MCC: variants seen among roughly 807,000 people sequenced by gnomAD.
MCC encodes the protein MCC regulator of Wnt signaling pathway.
Under a neutral mutation model 116.2 loss-of-function variants are expected in MCC, and 90 were observed. That is an observed-to-expected ratio of 0.77 (90% CI 0.65 to 0.92). MCC has a LOEUF of 0.92. MCC is among the 40% of genes least tolerant of loss of function. The probability of loss-of-function intolerance (pLI) is 0.00; values close to 1 mark genes in which losing one functional copy is unlikely to be tolerated. For missense variants in MCC, 1,516 were observed against 1,312.2 expected (o/e 1.16, Z -2.40); for synonymous variants, 578 against 510.5 (o/e 1.13, Z -1.78).
In MCC at chr5:113,152,438, T is replaced by A. The variant is rs138271781; in HGVS notation, c.628-1016A>T. ...CCCCTCACTGAATTCCATACTACAT[T>A]TGGGTGAACAACTGGAATTAGAACA... On this transcript the variant is annotated intron_variant, in intron 3 of 18. Transcript: ENST00000408903. Among the ~76,000 whole-genome samples, 255 of 152,300 alleles carry A rather than the reference T, an allele frequency of 1.7e-3. 4 individuals are homozygous for A. The South Asian group carries it at 0.028, about 17-fold the overall frequency.
intron 2 of MCC, among the ~76,000 whole-genome samples, chr5:113,352,774 C>T (rs77124427): frequency 0.039 from 5,894 of 151,996 alleles, 394 homozygotes; most frequent in African/African-American, 0.14. Context: ...ACATTTGAAT[C>T]GGTATTTGTG....
At chr5:113,173,525 G>T (rs1296354472) in intron 3 of MCC, among the ~76,000 whole-genome samples, 1 of 152,118 alleles carries the variant, frequency 6.6e-6, no homozygotes, top group African/African-American at 2.4e-5. Flanking sequence ...GTAAAGATTT[G>T]TTTTGAAATC....
intron 3 of MCC, among the ~76,000 whole-genome samples, chr5:113,237,729 C>T (rs1158052279): frequency 2.0e-5 from 3 of 152,162 alleles, no homozygotes; most frequent in African/African-American, 7.2e-5. Context: ...CTCAGCTCCG[C>T]GATAATTTCT....
intron 15 of MCC, among the ~76,000 whole-genome samples, chr5:113,052,897 A>G (rs1752579541): frequency 6.6e-6 from 1 of 152,200 alleles, no homozygotes; most frequent in African/African-American, 2.4e-5. Context: ...TCACCTCATC[A>G]GCATCACAAA....
chr5:113,256,848 A>G (rs916194292), intron 3 of MCC, among the ~76,000 whole-genome samples: 4 of 152,162 alleles, frequency 2.6e-5, no homozygotes, highest in African/African-American at 9.7e-5. Flanking sequence ...TTTCCACACC[A>G]TATCAGATTT....
chr5:113,107,193 T>C (rs1307742346), intron 6 of MCC, among the ~76,000 whole-genome samples: 1 of 150,818 alleles, frequency 6.6e-6, no homozygotes, highest in African/African-American at 2.4e-5. Flanking sequence ...ACAGACTCAA[T>C]AGTAGCATGT....
intron 2 of MCC, among the ~76,000 whole-genome samples, chr5:113,351,575 G>T (rs1768268798): frequency 6.6e-6 from 1 of 152,104 alleles, no homozygotes; most frequent in Non-Finnish European, 1.5e-5. Flanking sequence ...GGGAAGTGGG[G>T]ATGGTTAATG....
At position 113,080,817 on chromosome 5, in the gene MCC, A is replaced by AC. The variant is rs1445162285; in HGVS notation, c.1784+2042_1784+2043insG. On this transcript the variant is annotated intron_variant, in intron 11 of 18. Coordinates refer to ENST00000408903, the MANE Select transcript of MCC (RefSeq NM_001085377.2). Reference sequence around the variant, plus strand: ...TAAAGTATAATTAACAACAACAACAAAAAAAAAAAAGAAAAGAAAAAAGAA... The same window carrying AC: ...TAAAGTATAATTAACAACAACAACAACAAAAAAAAAAGAAAAGAAAAAAGAA... Among the ~76,000 whole-genome samples, 382 of 143,368 alleles carry AC rather than the reference A, an allele frequency of 2.7e-3. 3 individuals are homozygous for AC. Among genetic ancestry groups the AC allele is most frequent in the African/African-American group, 9.9e-3 (348 of 35,064 alleles). 94.1% of individuals were successfully genotyped at this position (143,368 alleles called of 152,430 possible). A position where few individuals can be genotyped will look rare whatever the true frequency, so the allele number is the denominator to read the frequency against.
At chr5:113,205,095 AGT>A (rs1356925676) in intron 3 of MCC, among the ~76,000 whole-genome samples, 8 of 152,288 alleles carry the variant, frequency 5.3e-5, no homozygotes, top group Non-Finnish European at 1.0e-4. Flanking sequence ...TGCCAGTCTC[AGT>A]TTTTTCCTCC....
rs1158808423 is a variant in MCC, at chr5:113,334,223, G to T, written c.627+6296C>A. 2.7e-5 allele frequency among the ~76,000 whole-genome samples: 4 copies of T among 149,316 alleles called. 1 individual carries two copies. Among genetic ancestry groups the T allele is most frequent in the African/African-American group, 1.0e-4 (4 of 40,186 alleles). On this transcript the variant is annotated intron_variant, in intron 3 of 18. Transcript: ENST00000408903. Reference sequence around the variant, plus strand: ...TATATATATATTATATACACTTTTTGGGGGGATAGGGTCTAGTTCTGTTGC... The same window carrying T: ...TATATATATATTATATACACTTTTTTGGGGGATAGGGTCTAGTTCTGTTGC...
intron 3 of MCC, among the ~76,000 whole-genome samples, chr5:113,165,719 C>A (rs983391707): frequency 4.6e-5 from 7 of 152,110 alleles, no homozygotes; most frequent in Non-Finnish European, 7.4e-5. Flanking sequence ...GGCAGGAGCA[C>A]CCGACCCAAT....
intron 3 of MCC, 94 bp from the exon 4 acceptor site, chr5:113,151,516 T>C (rs866292824): frequency 1.3e-5 from 9 of 680,288 alleles, no homozygotes; most frequent in Middle Eastern, 2.5e-4. Flanking sequence ...ATAAAAAGCC[T>C]ATCATCCAAA....
In MCC at chr5:113,248,977, G is replaced by A. The variant is rs192156051; in HGVS notation, c.627+91542C>T. Among the ~76,000 whole-genome samples the A allele has an allele frequency of 5.8e-3, 875 of 152,116 alleles. 14 individuals are homozygous for A. The highest frequency in any genetic ancestry group is 0.02 in the African/African-American group (825 of 41,476). ...TCCTGCCTCAGCCTCCCGAGTAGCT[G>A]GGATTACAGGTGTGCATCACCATGC... On this transcript the variant is annotated intron_variant, in intron 3 of 18. Transcript: ENST00000408903.
intron 1 of MCC, 78 bp downstream of exon 1, chr5:113,488,167 A>C (rs1296917546): frequency 2.9e-6 from 4 of 1,369,286 alleles, no homozygotes; most frequent in Non-Finnish European, 3.9e-6. Flanking sequence ...AGTTGGGGCG[A>C]GGGGGCAGAG....
Position 113,026,370 on chromosome 5 carries a change from T to C in MCC, c.*932A>G, listed in dbSNP as rs1750550961. On this transcript the variant is annotated 3_prime_UTR_variant, in exon 19 of 19. Transcript: ENST00000408903. ...GTAGAGACAGGTCCAGAGCTACAAA[T>C]GCACCCATGTGGAAGAGATTTGATT... 6.6e-6 allele frequency: 1 copy of C among 152,258 alleles called. No individual in the cohort carries two copies. The highest frequency in any genetic ancestry group is 6.5e-5 in the Admixed American group (1 of 15,288). 9.4% of individuals were successfully genotyped at this position (152,258 alleles called of 1,614,324 possible). A position where few individuals can be genotyped will look rare whatever the true frequency, so the allele number is the denominator to read the frequency against.
intron 1 of MCC, among the ~76,000 whole-genome samples, chr5:113,386,025 C>T (rs564882013): frequency 3.0e-4 from 46 of 152,256 alleles, no homozygotes; most frequent in Admixed American, 1.9e-3. Context: ...TGACCAAGAA[C>T]ATTTATGTGG....
At chr5:113,046,234 C>A (rs1752062585) in intron 16 of MCC, among the ~76,000 whole-genome samples, 1 of 151,876 alleles carries the variant, frequency 6.6e-6, no homozygotes, top group Admixed American at 6.6e-5. Context: ...ACTCTGTCGC[C>A]CAGGCTGTGG....
Position 113,276,712 on chromosome 5 carries a change from G to A in MCC, c.627+63807C>T, listed in dbSNP as rs150158170. On this transcript the variant is annotated intron_variant, in intron 3 of 18. Transcript: ENST00000408903. ...TACAATCTCGGCTCACTGGGGCCTC[G>A]ACTTTCCAGGCTCAAGTGATCCTCC... Among the ~76,000 whole-genome samples the A allele has an allele frequency of 1.3e-3, 196 of 152,092 alleles. 6 individuals carry two copies. In the East Asian group the frequency reaches 0.022, roughly 17 times the overall value.
intron 13 of MCC, 52 bp from the exon 14 acceptor site, chr5:113,064,219 C>T (rs577475097): frequency 3.2e-5 from 48 of 1,508,618 alleles, no homozygotes; most frequent in African/African-American, 1.1e-4. Context: ...GGACAAGGCA[C>T]GCCTGGGAGG....
Sources: allele counts gnomAD v4.1 joint callset (sites outside exome capture counted in the v4.1 genomes callset), GRCh38; gene constraint gnomAD v4.1.1; transcripts MANE v1.5; gene names NCBI Gene and HGNC (gene_info 2026-07-23, HGNC 2026-07-21).